CDH13: variants seen among roughly 807,000 people sequenced by gnomAD.
The protein encoded by CDH13 is cadherin-13.
In CDH13, 24 loss-of-function variants were observed where a neutral mutation model predicts 63.8. The ratio of observed to expected loss-of-function variants is 0.38; its 90% CI spans 0.27 to 0.53. The LOEUF is 0.53. Among genes scored for constraint, CDH13 ranks in the 20% least tolerant of loss-of-function variants. The probability of loss-of-function intolerance (pLI) is 0.85; values close to 1 mark genes in which losing one functional copy is unlikely to be tolerated. For synonymous variants in CDH13, 503 were observed against 355.3 expected, an observed-to-expected ratio of 1.42 and a Z score of -4.67; for missense variants, 1,049 against 903.1, an observed-to-expected ratio of 1.16 and a Z score of -2.07.
intron 4 of CDH13, among the ~76,000 whole-genome samples, chr16:83,142,166 T>TG (rs113914258): frequency 7.0e-5 from 8 of 113,722 alleles, no homozygotes; most frequent in African/African-American, 1.5e-4. Flanking sequence ...TTTTGTTTTT[T>TG]TTTTTTTTTT....
intron 2 of CDH13, among the ~76,000 whole-genome samples, chr16:82,952,357 G>A (rs2151325133): frequency 6.6e-6 from 1 of 152,224 alleles, no homozygotes; most frequent in South Asian, 2.1e-4. Context: ...ATTTCTATAT[G>A]CAAAGCTGAG....
intron 5 of CDH13, among the ~76,000 whole-genome samples, chr16:83,283,768 T>C (rs976428843): frequency 2.0e-5 from 3 of 152,208 alleles, no homozygotes; most frequent in Non-Finnish European, 4.4e-5. Flanking sequence ...AATAACCTTC[T>C]TTTTGGAACC....
intron 5 of CDH13, among the ~76,000 whole-genome samples, chr16:83,230,034 G>A (rs2039958255): frequency 6.6e-6 from 1 of 152,188 alleles, no homozygotes; most frequent in African/African-American, 2.4e-5. Context: ...CTCCTTCAAT[G>A]GATCATTAAT....
chr16:83,759,244 T>A (rs116593209), intron 11 of CDH13, among the ~76,000 whole-genome samples: 4 of 152,164 alleles, frequency 2.6e-5, no homozygotes, highest in African/African-American at 9.7e-5. Context: ...ATTCCACACA[T>A]ACCCAGTTTC....
At chr16:82,876,139 A>C (rs1030478305) in intron 2 of CDH13, among the ~76,000 whole-genome samples, 1 of 152,236 alleles carries the variant, frequency 6.6e-6, no homozygotes, top group Non-Finnish European at 1.5e-5. Context: ...CTCCCATGAC[A>C]TGTAAATAGT....
rs375186075 is a variant in CDH13, at chr16:83,575,292, G to A, written c.961-27162G>A. Among the ~76,000 whole-genome samples, 9 of 152,178 alleles carry A rather than the reference G, an allele frequency of 5.9e-5. No individual in the cohort carries two copies. The East Asian group carries it at 9.6e-4, about 16-fold the overall frequency. On this transcript the variant is annotated intron_variant, in intron 7 of 13. Transcript: ENST00000567109. ...CAATTGAATTGTACACTTTAAATAGGTGGATTGTGCACTATGTGAATTATA... is the reference window on the plus strand; with the variant it reads ...CAATTGAATTGTACACTTTAAATAGATGGATTGTGCACTATGTGAATTATA...
intron 2 of CDH13, among the ~76,000 whole-genome samples, chr16:82,903,457 AT>A (rs1437781149): frequency 6.6e-6 from 1 of 152,144 alleles, no homozygotes; most frequent in Non-Finnish European, 1.5e-5. Flanking sequence ...TGGTCTCCAA[AT>A]TTTTATCCTC....
At chr16:83,242,574 G>T (rs546731824) in intron 5 of CDH13, among the ~76,000 whole-genome samples, 1 of 152,168 alleles carries the variant, frequency 6.6e-6, no homozygotes, top group Non-Finnish European at 1.5e-5. Flanking sequence ...CAGGCAGAGT[G>T]AGCCAACCAA....
intron 5 of CDH13, among the ~76,000 whole-genome samples, chr16:83,283,271 G>C (rs563553355): frequency 6.6e-6 from 1 of 152,196 alleles, no homozygotes; most frequent in African/African-American, 2.4e-5. Context: ...TGAACTCCGA[G>C]TGTGGGACCC....
intron 2 of CDH13, among the ~76,000 whole-genome samples, chr16:82,867,599 T>G (rs564124706): frequency 6.6e-6 from 1 of 152,278 alleles, no homozygotes; most frequent in South Asian, 2.1e-4. Context: ...GTGTGTGGAA[T>G]CACATTAATC....
rs754651863 is a variant in CDH13, at chr16:83,797,810, TACTC to T, written c.*2782_*2785del. 6.6e-6 allele frequency: 1 copy of T among 152,248 alleles called. No homozygotes were observed. Among genetic ancestry groups the T allele is most frequent in the Non-Finnish European group, 1.5e-5 (1 of 68,042 alleles). 9.4% of individuals were successfully genotyped at this position (152,248 alleles called of 1,614,324 possible). ...TCACACCTTCACTTCTTTTTATTAA[TACTC>T]AACCAACTTAGTTGATTAAAAATCA... On this transcript the variant is annotated 3_prime_UTR_variant, in exon 14 of 14. Coordinates refer to ENST00000567109, the MANE Select transcript of CDH13 (RefSeq NM_001257.5).
intron 5 of CDH13, among the ~76,000 whole-genome samples, chr16:83,230,939 G>A (rs922883656): frequency 9.9e-5 from 15 of 152,218 alleles, no homozygotes; most frequent in African/African-American, 3.1e-4. Flanking sequence ...TGTGAACCAA[G>A]CATATGCCGG....
intron 7 of CDH13, among the ~76,000 whole-genome samples, chr16:83,551,606 C>G (rs776299415): frequency 1.3e-5 from 2 of 152,198 alleles, no homozygotes; most frequent in South Asian, 2.1e-4. Context: ...CATGTATTCA[C>G]TCAGGCTGGA....
chr16:82,948,906 A>C (rs1905015085), intron 2 of CDH13, among the ~76,000 whole-genome samples: 1 of 152,220 alleles, frequency 6.6e-6, no homozygotes, highest in African/African-American at 2.4e-5. Flanking sequence ...AAGTTTACTT[A>C]CTTTCGTGAT....
intron 5 of CDH13, among the ~76,000 whole-genome samples, chr16:83,237,174 A>G (rs17677195): frequency 0.095 from 14,391 of 152,238 alleles, 962 homozygotes; most frequent in Non-Finnish European, 0.14. Flanking sequence ...TGTTCAGTAC[A>G]CAAGAGAGGC....
At chr16:83,038,664 G>C (rs1323766065) in intron 3 of CDH13, among the ~76,000 whole-genome samples, 2 of 152,188 alleles carry the variant, frequency 1.3e-5, no homozygotes, top group East Asian at 3.9e-4. Context: ...GTGTGTTTGT[G>C]TGCACACATG....
chr16:82,637,381 C>T (rs2150878760), intron 1 of CDH13, among the ~76,000 whole-genome samples: 1 of 146,706 alleles, frequency 6.8e-6, no homozygotes, highest in Non-Finnish European at 1.5e-5. Flanking sequence ...CAGGCACTCA[C>T]CTAGGTACTT....
chr16:83,388,341 T>C (rs1008420295), intron 6 of CDH13, among the ~76,000 whole-genome samples: 3 of 150,944 alleles, frequency 2.0e-5, no homozygotes, highest in Non-Finnish European at 2.9e-5. Context: ...TAGTCCCAAC[T>C]ACTTGGGAGG....
intron 1 of CDH13, among the ~76,000 whole-genome samples, chr16:82,733,103 C>T (rs1209526917): frequency 1.3e-5 from 2 of 152,200 alleles, no homozygotes; most frequent in Non-Finnish European, 2.9e-5. Flanking sequence ...ACAAAGTCTT[C>T]AAGCATGAGG....
Sources: allele counts gnomAD v4.1 joint callset (sites outside exome capture counted in the v4.1 genomes callset), GRCh38; gene constraint gnomAD v4.1.1; transcripts MANE v1.5; gene names NCBI Gene and HGNC (gene_info 2026-07-23, HGNC 2026-07-21).